The following NUP93 variants were observed in gnomAD, a reference collection of about 807,000 sequenced individuals.
The protein encoded by NUP93 is nucleoporin 93.
In NUP93, 55 loss-of-function variants were observed where a neutral mutation model predicts 107.8. That is an observed-to-expected ratio of 0.51 (90% CI 0.41 to 0.64). The LOEUF is 0.64. NUP93 is among the 30% of genes least tolerant of loss of function. The pLI is 0.00. For missense variants in NUP93, 937 were observed against 1,044.7 expected (o/e 0.90, Z 1.42); for synonymous variants, 390 against 397.5 (o/e 0.98, Z 0.22).
chr16:56,789,609 G>C (rs1356452181), intron 3 of NUP93, among the ~76,000 whole-genome samples: 2 of 152,252 alleles, frequency 1.3e-5, no homozygotes, highest in African/African-American at 4.8e-5. Flanking sequence ...TACAGCGTCT[G>C]CTGCCACCTG....
At chr16:56,790,592 T>G (rs1962738763) in intron 3 of NUP93, among the ~76,000 whole-genome samples, 1 of 152,210 alleles carries the variant, frequency 6.6e-6, no homozygotes, top group Non-Finnish European at 1.5e-5. Context: ...TTTTTTATCT[T>G]TGTACTAATT....
intron 13 of NUP93, 61 bp downstream of exon 13, chr16:56,833,467 G>C: frequency 7.3e-7 from 1 of 1,369,460 alleles, no homozygotes; most frequent in South Asian, 1.7e-5. Context: ...TTGGGGCGAC[G>C]GTGGCCACAA....
At chr16:56,740,127 A>AC (rs544956265) in intron 1 of NUP93, among the ~76,000 whole-genome samples, 3 of 85,248 alleles carry the variant, frequency 3.5e-5, no homozygotes, top group African/African-American at 1.8e-4. Flanking sequence ...CGGGGGGCTG[A>AC]CCCCCCCACC....
chr16:56,794,322 T>C (rs1197297605), intron 3 of NUP93, among the ~76,000 whole-genome samples: 1 of 152,094 alleles, frequency 6.6e-6, no homozygotes, highest in Non-Finnish European at 1.5e-5. Context: ...TGGTTAATGG[T>C]CTTTGTTTAT....
chr16:56,811,824 A>G (rs1453678286), intron 5 of NUP93, among the ~76,000 whole-genome samples: 1 of 152,190 alleles, frequency 6.6e-6, no homozygotes, highest in Non-Finnish European at 1.5e-5. Context: ...AGACTATGTA[A>G]AGTGGCCGGC....
chr16:56,843,371 C>G (rs182407013), intron 21 of NUP93, among the ~76,000 whole-genome samples: 3 of 152,322 alleles, frequency 2.0e-5, no homozygotes, highest in Admixed American at 2.0e-4. Context: ...GAGCTGGTCC[C>G]CTGGCAGGCC....
chr16:56,805,595 C>T lies in NUP93; in HGVS notation c.452C>T (p.Ser151Leu). The change falls in exon 5 of 22, where the codon TCA becomes TTA. Residue 151 changes from serine (S) to leucine (L), a missense_variant. By Grantham distance (145) the Ser-to-Leu change is moderately radical. Transcript: ENST00000308159. ...CGAATTCTGCACACACTGCTGGCATCAGGAGAAGACGCCCTTGACTTTACT... is the reference window on the plus strand; with the variant it reads ...CGAATTCTGCACACACTGCTGGCATTAGGAGAAGACGCCCTTGACTTTACT... Reference protein sequence around the residue: ...KQRILHTLLASGEDALDFTQE... With the variant: ...KQRILHTLLALGEDALDFTQE... 1 of 1,614,064 alleles carries T rather than the reference C, an allele frequency of 6.2e-7. No individual in the cohort carries two copies. Among genetic ancestry groups the T allele is most frequent in the South Asian group, 1.1e-5 (1 of 91,072 alleles).
At chr16:56,760,681 A>G (rs991814560) in intron 3 of NUP93, among the ~76,000 whole-genome samples, 9 of 152,200 alleles carry the variant, frequency 5.9e-5, no homozygotes, top group Non-Finnish European at 8.8e-5. Flanking sequence ...ATCTGCTCTC[A>G]TGATCCAGTC....
intron 8 of NUP93, among the ~76,000 whole-genome samples, chr16:56,826,270 G>A (rs1963655920): frequency 6.6e-6 from 1 of 152,088 alleles, no homozygotes; most frequent in Non-Finnish European, 1.5e-5. Context: ...CCAACACTTC[G>A]GGTGGCCAAG....
intron 20 of NUP93, among the ~76,000 whole-genome samples, chr16:56,840,124 C>T (rs1405274665): frequency 1.3e-5 from 2 of 152,096 alleles, no homozygotes; most frequent in Non-Finnish European, 2.9e-5. Context: ...GGGTTCACAC[C>T]ATTCTCCTGC....
In NUP93 at chr16:56,837,336, G is replaced by T. The variant is rs868244564; in HGVS notation, c.1900-272G>T. On this transcript the variant is annotated intron_variant, in intron 17 of 21. Transcript: ENST00000308159. ...CCAGCACTTTGGGAGGCCAAGGCAG[G>T]CGCATCACTTGAGGCCAGGAGTTCG... 5.9e-5 allele frequency among the ~76,000 whole-genome samples: 9 copies of T among 152,332 alleles called. No individual in the cohort carries two copies. In the South Asian group the frequency reaches 1.9e-3, roughly 32 times the overall value.
chr16:56,826,058 A>G lies in NUP93; in HGVS notation c.794+2212A>G, dbSNP rs1017771227. 2.6e-4 allele frequency among the ~76,000 whole-genome samples: 40 copies of G among 152,322 alleles called. 1 individual carries two copies. Among genetic ancestry groups the G allele is most frequent in the Admixed American group, 2.2e-3 (34 of 15,304 alleles). On this transcript the variant is annotated intron_variant, in intron 8 of 21. Transcript: ENST00000308159. ...CCTGCCACATTCCAAGATTTGAGGC[A>G]TGATATATATTTCTTAGCCCTCAAG...
chr16:56,807,597 G>A (rs554296847), intron 5 of NUP93, among the ~76,000 whole-genome samples: 1 of 152,188 alleles, frequency 6.6e-6, no homozygotes, highest in African/African-American at 2.4e-5. Context: ...TGAACTGTTA[G>A]GGATATATTG....
intron 6 of NUP93, among the ~76,000 whole-genome samples, chr16:56,820,240 A>C (rs539947052): frequency 6.6e-5 from 10 of 152,348 alleles, no homozygotes; most frequent in African/African-American, 2.4e-4. Flanking sequence ...GTACCTTGCA[A>C]AGGAAGGCCT....
intron 3 of NUP93, among the ~76,000 whole-genome samples, chr16:56,760,825 G>A (rs992099452): frequency 2.6e-5 from 4 of 152,062 alleles, no homozygotes; most frequent in Non-Finnish European, 5.9e-5. Flanking sequence ...GCGCACTCCT[G>A]TAGTCCCAGC....
chr16:56,744,137 C>T (rs1368678355), intron 1 of NUP93, among the ~76,000 whole-genome samples: 2 of 152,178 alleles, frequency 1.3e-5, no homozygotes, highest in African/African-American at 2.4e-5. Flanking sequence ...CTGTGCCTCT[C>T]CTCCATAGTT....
chr16:56,830,476 A>G, intron 9 of NUP93, 52 bp from the exon 10 acceptor site: 2 of 1,494,938 alleles, frequency 1.3e-6, no homozygotes, highest in Non-Finnish European at 1.8e-6. Flanking sequence ...CACATATGAA[A>G]GCAGTCAGCC....
At chr16:56,833,589 C>T (rs1291780840) in intron 13 of NUP93, among the ~76,000 whole-genome samples, 183 bp downstream of exon 13, 3 of 151,102 alleles carry the variant, frequency 2.0e-5, no homozygotes, top group African/African-American at 7.3e-5. Flanking sequence ...CCCCACCCCC[C>T]AGCATTAGTA....
chr16:56,822,610 A>C (rs1963571440), intron 7 of NUP93, among the ~76,000 whole-genome samples: 1 of 130,124 alleles, frequency 7.7e-6, no homozygotes, highest in African/African-American at 3.0e-5. Flanking sequence ...GCCCAGGCTG[A>C]AGTGCAATAA....
Sources: gnomAD v4.1 joint callset for allele counts (sites outside exome capture counted in the v4.1 genomes callset) on GRCh38, gnomAD v4.1.1 for gene constraint, MANE v1.5 for transcripts, NCBI Gene and HGNC (gene_info 2026-07-23, HGNC 2026-07-21) for gene names.